The following PCDHA7 variants were observed in gnomAD, a reference collection of about 807,000 sequenced individuals.
The protein encoded by PCDHA7 is protocadherin alpha-7.
A neutral mutation model predicts 57.2 loss-of-function variants in PCDHA7; 37 were observed. That is an observed-to-expected ratio of 0.65 (90% confidence interval 0.50 to 0.85). PCDHA7 has a LOEUF of 0.85. PCDHA7 is among the 40% of genes least tolerant of loss of function. The pLI is 0.00. For missense variants in PCDHA7, 1,188 were observed against 1,241.8 expected (o/e 0.96, Z 0.65); for synonymous variants, 553 against 558.8 (o/e 0.99, Z 0.15).
chr5:140,905,864 A>C (rs265313), intron 1 of PCDHA7, among the ~76,000 whole-genome samples: 7,097 of 152,260 alleles, frequency 0.047, 295 homozygotes, highest in African/African-American at 0.11. Context: ...AACTCACACA[A>C]TCACAAGGCC....
intron 1 of PCDHA7, chr5:140,967,383 T>A: frequency 6.2e-7 from 1 of 1,608,702 alleles, no homozygotes; most frequent in Non-Finnish European, 8.5e-7. Flanking sequence ...AACAGTAAAG[T>A]GCTTGAGCTG....
intron 1 of PCDHA7, chr5:140,966,926 C>G (rs782811757): frequency 1.9e-6 from 3 of 1,603,462 alleles, no homozygotes; most frequent in Admixed American, 1.7e-5. Flanking sequence ...GGAGCAGGCA[C>G]CCGGCGCGCT....
rs186453463 is a variant in PCDHA7 at position 140,951,770 on chromosome 5, C to T, written c.2356-27179C>T. On this transcript the variant is annotated intron_variant, in intron 1 of 3. Transcript: ENST00000525929. ...ACCCTCCGCGAAATCTCATGACGTT[C>T]TTACATTGCAAAATACAATTATCCC... 1.6e-3 allele frequency among the ~76,000 whole-genome samples: 247 copies of T among 152,268 alleles called. 1 individual carries two copies. The highest frequency in any genetic ancestry group is 5.5e-3 in the African/African-American group (229 of 41,576).
chr5:140,921,741 A>G (rs1437643098), intron 1 of PCDHA7, among the ~76,000 whole-genome samples: 1 of 152,202 alleles, frequency 6.6e-6, no homozygotes, highest in Non-Finnish European at 1.5e-5. Context: ...AATTATAAGC[A>G]TAACAGGACA....
chr5:140,863,505 C>A, intron 1 of PCDHA7: 1 of 421,530 alleles, frequency 2.4e-6, no homozygotes. Flanking sequence ...GGCTTTTAGT[C>A]CTAGTGTTCT....
chr5:140,912,113 A>C (rs1477558453), intron 1 of PCDHA7, among the ~76,000 whole-genome samples: 3 of 152,182 alleles, frequency 2.0e-5, no homozygotes, highest in African/African-American at 7.2e-5. Flanking sequence ...GTAGGCTGGG[A>C]GGCTAAGTCA....
At chr5:140,870,416 C>T in intron 1 of PCDHA7, 1 of 1,614,230 alleles carries the variant, frequency 6.2e-7, no homozygotes, top group Non-Finnish European at 8.5e-7. Flanking sequence ...TGGGCCACGG[C>T]CAGGGTATCC....
intron 1 of PCDHA7, chr5:140,857,942 A>G: frequency 6.3e-7 from 1 of 1,597,440 alleles, no homozygotes; most frequent in Non-Finnish European, 8.6e-7. Flanking sequence ...CGAGATCAGT[A>G]CGACGCGCGC....
At chr5:140,881,042 G>A (rs2058565950) in intron 1 of PCDHA7, among the ~76,000 whole-genome samples, 1 of 152,208 alleles carries the variant, frequency 6.6e-6, no homozygotes, top group Non-Finnish European at 1.5e-5. Context: ...TTCCTATAGA[G>A]TTGTGCACAG....
intron 1 of PCDHA7, among the ~76,000 whole-genome samples, chr5:140,944,929 CT>C (rs2093712661): frequency 6.6e-6 from 1 of 152,052 alleles, no homozygotes; most frequent in Admixed American, 6.6e-5. Context: ...TGGTTTATGC[CT>C]TCTTTAGATG....
At chr5:140,862,607 A>C in intron 1 of PCDHA7, 3 of 519,204 alleles carry the variant, frequency 5.8e-6, no homozygotes, top group Non-Finnish European at 1.2e-5. Flanking sequence ...GTGTTCGTGA[A>C]AGGTAACAAC....
chr5:140,991,707 A>G (rs1436655429), intron 3 of PCDHA7, among the ~76,000 whole-genome samples: 1 of 152,158 alleles, frequency 6.6e-6, no homozygotes, highest in Non-Finnish European at 1.5e-5. Flanking sequence ...TAATATGCAT[A>G]TTGCTACTAG....
chr5:140,872,160 C>A (rs782612001), intron 1 of PCDHA7, among the ~76,000 whole-genome samples: 10 of 151,070 alleles, frequency 6.6e-5, no homozygotes, highest in African/African-American at 9.8e-5. Context: ...ACATGATTTA[C>A]TTTTCTTTTT....
intron 3 of PCDHA7, among the ~76,000 whole-genome samples, chr5:140,988,428 G>A (rs1186229744): frequency 6.6e-6 from 1 of 152,160 alleles, no homozygotes; most frequent in Non-Finnish European, 1.5e-5. Context: ...GAATTTGTTT[G>A]TTTTGGATTG....
intron 3 of PCDHA7, among the ~76,000 whole-genome samples, chr5:140,984,467 T>G (rs1358469857): frequency 4.6e-5 from 7 of 152,220 alleles, no homozygotes; most frequent in African/African-American, 1.7e-4. Context: ...CCAGCCCCTC[T>G]TGTATAACCC....
At chr5:140,890,738 A>G (rs1283898948) in intron 1 of PCDHA7, among the ~76,000 whole-genome samples, 1 of 152,200 alleles carries the variant, frequency 6.6e-6, no homozygotes. Context: ...TGACTTATAT[A>G]CTATTTCTGT....
At chr5:140,873,076 AT>A (rs2054077114) in intron 1 of PCDHA7, among the ~76,000 whole-genome samples, 1 of 152,056 alleles carries the variant, frequency 6.6e-6, no homozygotes, top group South Asian at 2.1e-4. Flanking sequence ...ATATCTAGCT[AT>A]TTCCCCCCCG....
intron 1 of PCDHA7, chr5:140,843,933 G>A: frequency 1.7e-6 from 1 of 576,250 alleles, no homozygotes. Context: ...CTCAAGTTAT[G>A]GTTGGATGAT....
intron 1 of PCDHA7, among the ~76,000 whole-genome samples, chr5:140,955,342 C>T (rs981239160): frequency 1.3e-5 from 2 of 152,130 alleles, no homozygotes; most frequent in Admixed American, 6.6e-5. Context: ...ATAATCCCCA[C>T]ATGTTGTGAG....
Sources: allele counts gnomAD v4.1 joint callset (sites outside exome capture counted in the v4.1 genomes callset), GRCh38; gene constraint gnomAD v4.1.1; transcripts MANE v1.5; gene names NCBI Gene and HGNC (gene_info 2026-07-23, HGNC 2026-07-21).